Variants in PPRC1 observed in about 807,000 individuals in gnomAD.
The protein encoded by PPRC1 is PPARG related coactivator 1, also known as peroxisome proliferator-activated receptor gamma coactivator-related protein 1.
In PPRC1, 23 loss-of-function variants were observed where a neutral mutation model predicts 132.5. The ratio of observed to expected loss-of-function variants is 0.17; its 90% CI spans 0.12 to 0.25. The LOEUF (loss-of-function observed/expected upper bound fraction) is 0.25. Ranked by LOEUF, PPRC1 falls within the 10% of genes least tolerant of loss-of-function variation. The probability of loss-of-function intolerance (pLI) is 1.00; values close to 1 mark genes in which losing one functional copy is unlikely to be tolerated. For missense variants in PPRC1, 2,006 were observed against 2,089.1 expected (o/e 0.96, Z 0.78); for synonymous variants, 872 against 833.5 (o/e 1.05, Z -0.80).
intron 1 of PPRC1, among the ~76,000 whole-genome samples, chr10:102,136,491 C>G (rs2068727186): frequency 6.6e-6 from 1 of 152,152 alleles, no homozygotes; most frequent in South Asian, 2.1e-4. Context: ...TCCACAGTTT[C>G]TGTTAACCTG....
In PPRC1 at chr10:102,143,813, G is replaced by A. The variant is rs138593012; in HGVS notation, c.3551-437G>A. ...ATAGCTGGCTTTCTTAGTATAAGGC[G>A]TGGATGTAGGTGCTATGGAGGACAC... On this transcript the variant is annotated intron_variant, in intron 6 of 13. Coordinates refer to ENST00000278070, the MANE Select transcript of PPRC1 (RefSeq NM_015062.5). Among the ~76,000 whole-genome samples the A allele has an allele frequency of 6.8e-4, 104 of 152,316 alleles. 1 individual carries two copies. Among genetic ancestry groups the A allele is most frequent in the Middle Eastern group, 6.8e-3 (2 of 294 alleles).
intron 1 of PPRC1, among the ~76,000 whole-genome samples, chr10:102,134,948 G>A (rs4917960): frequency 2.8e-4 from 43 of 152,124 alleles, no homozygotes; most frequent in Non-Finnish European, 4.4e-4. Context: ...CCCTTCCCCC[G>A]AAAACCAAAG....
chr10:102,121,185 G>A, the PPRC1 span, among the ~76,000 whole-genome samples: 1 of 152,004 alleles, frequency 6.6e-6, no homozygotes, highest in Non-Finnish European at 1.5e-5. Context: ...GATTACGGAG[G>A]GGCGATAGGA....
rs748965580 is a variant in PPRC1 at position 102,141,203 on chromosome 10, C to A, written c.2695C>A (p.Pro899Thr). Residue 899 changes from proline (P) to threonine (T), a missense_variant, in exon 5 of 14, where the codon CCT becomes ACT. Physicochemically the swap from Pro to Thr is conservative, Grantham distance 38 (BLOSUM62 -1). Coordinates refer to ENST00000278070, the MANE Select transcript of PPRC1 (RefSeq NM_015062.5). Reference protein sequence around the residue: ...PPSLPPPPLQPPSLPLSMGPV... With the variant: ...PPSLPPPPLQTPSLPLSMGPV... Reference sequence around the variant, plus strand: ...CAGTCTGCCCCCACCTCCCTTGCAGCCTCCTAGTCTTCCATTGTCTATGGG... The same window carrying A: ...CAGTCTGCCCCCACCTCCCTTGCAGACTCCTAGTCTTCCATTGTCTATGGG... 1.2e-6 allele frequency: 2 copies of A among 1,614,046 alleles called. No individual in the cohort carries two copies. The highest frequency in any genetic ancestry group is 2.2e-5 in the South Asian group (2 of 91,082).
chr10:102,148,812 C>A lies in PPRC1; in HGVS notation c.4618-5C>A. On this transcript the variant is annotated splice_polypyrimidine_tract_variant and splice_region_variant and intron_variant, in intron 11 of 13. Transcript: ENST00000278070. This position sits in a 1 kb window ranked among gnomAD's most constrained non-coding sequence, Gnocchi z 4.2. ...GTGTTGATTTTTTTTCATTTCCAAA[C>A]ATAGGAAGAAAGAAGGGTGGTCTTC... The A allele has an allele frequency of 1.2e-6, 2 of 1,614,002 alleles. No homozygotes were observed. The highest frequency in any genetic ancestry group is 1.7e-6 in the Non-Finnish European group (2 of 1,179,998).
chr10:102,144,201 C>T (rs1391204403), intron 6 of PPRC1, 49 bp from the exon 7 acceptor site: 2 of 1,583,294 alleles, frequency 1.3e-6, no homozygotes, highest in Admixed American at 3.3e-5. Context: ...TGTGCCGCCT[C>T]AGTCTAGAAC....
intron 1 of PPRC1, among the ~76,000 whole-genome samples, chr10:102,134,013 T>G (rs1393730584): frequency 6.6e-6 from 1 of 151,830 alleles, no homozygotes; most frequent in Admixed American, 6.6e-5. Flanking sequence ...GGGCTGAGGC[T>G]GAAGGGTTGT....
At position 102,139,706 on chromosome 10, in the gene PPRC1, G is replaced by A. The variant is rs2068868977; in HGVS notation, c.1198G>A (p.Ala400Thr). The change falls in exon 5 of 14, where the codon GCT becomes ACT. Residue 400 changes from alanine (A) to threonine (T), a missense_variant. Coordinates refer to ENST00000278070, the MANE Select transcript of PPRC1 (RefSeq NM_015062.5). ...GCCTACACTGGAGTCAGAGACAGAG[G>A]CTGCTGTGCCCAAGGTAACCCTCTG... is the stretch of plus-strand genomic sequence containing the variant. ...LMPTLESETE[A>T]AVPKVTLCSE... 6.2e-7 allele frequency: 1 copy of A among 1,613,972 alleles called. No individual in the cohort carries two copies. The highest frequency in any genetic ancestry group is 1.3e-5 in the African/African-American group (1 of 74,942).
rs1367361410 is a variant in PPRC1, at chr10:102,138,163, C to T, written c.342+125C>T. 3.1e-6 allele frequency: 3 copies of T among 980,012 alleles called. No homozygotes were observed. In the East Asian group the frequency reaches 8.0e-5, roughly 26 times the overall value. The allele number at this position is 980,012 out of a possible 1,614,324, so 60.7% of individuals were successfully genotyped here. A position where few individuals can be genotyped will look rare whatever the true frequency, so the allele number is the denominator to read the frequency against. ...TTCTTCCTGGGTGCCCAACCTGAAT[C>T]CTTGAAGTGTATTTTTTGTCTCTAA... is the stretch of plus-strand genomic sequence containing the variant. On this transcript the variant is annotated intron_variant, in intron 2 of 13. Transcript: ENST00000278070.
chr10:102,133,548 C>T (rs1003523687), intron 1 of PPRC1, among the ~76,000 whole-genome samples: 7 of 152,148 alleles, frequency 4.6e-5, no homozygotes, highest in African/African-American at 1.4e-4. Context: ...GAGCCCGGCG[C>T]CGCAGTTCCC....
In PPRC1 at chr10:102,143,021, A is replaced by G. The variant is rs780608536; in HGVS notation, c.3497-24A>G. 8.1e-6 allele frequency: 13 copies of G among 1,605,466 alleles called. No homozygotes were observed. In the East Asian group the frequency reaches 2.9e-4, roughly 36 times the overall value. The stretch of plus-strand genomic sequence containing the variant: ...CTAAGTTGATAGGGGCTCGTTTTCA[A>G]TCCTGTGTTGTGTGCCTCCACAGGA... On this transcript the variant is annotated intron_variant, in intron 5 of 13. Transcript: ENST00000278070.
intron 1 of PPRC1, among the ~76,000 whole-genome samples, chr10:102,135,315 C>T (rs1279795902): frequency 2.6e-5 from 4 of 152,050 alleles, no homozygotes; most frequent in Admixed American, 1.3e-4. Context: ...GGAGAGGACA[C>T]GCTGGAGCAG....
intron 1 of PPRC1, among the ~76,000 whole-genome samples, 169 bp from the exon 2 acceptor site, chr10:102,137,681 G>A (rs1013513731): frequency 2.0e-5 from 3 of 152,104 alleles, no homozygotes; most frequent in African/African-American, 7.2e-5. Flanking sequence ...CCTTATTGGG[G>A]TTTTTGCTCA....
At chr10:102,128,270 T>G (rs1590302375), upstream of PPRC1, among the ~76,000 whole-genome samples, 1 of 151,546 alleles carries the variant, frequency 6.6e-6, no homozygotes, top group South Asian at 2.1e-4. Context: ...CTCCCGAGTA[T>G]CTGGGATTAC....
intron 6 of PPRC1, 46 bp downstream of exon 6, chr10:102,143,144 A>G: frequency 6.4e-7 from 1 of 1,569,494 alleles, no homozygotes. Context: ...TTTTGGTGAT[A>G]CTTTTTTGGG....
chr10:102,136,286 GCT>G (rs2068718211), intron 1 of PPRC1, among the ~76,000 whole-genome samples: 1 of 152,092 alleles, frequency 6.6e-6, no homozygotes, highest in Admixed American at 6.6e-5. Context: ...TTGGTACTCA[GCT>G]CTGTTAGGAG....
chr10:102,129,717 G>C (rs1465031466), upstream of PPRC1, among the ~76,000 whole-genome samples: 1 of 152,110 alleles, frequency 6.6e-6, no homozygotes, highest in African/African-American at 2.4e-5. Context: ...GATTCTCCCT[G>C]CCTCAGCCTC....
the PPRC1 span, among the ~76,000 whole-genome samples, chr10:102,126,151 C>T: frequency 2.7e-4 from 41 of 152,098 alleles, no homozygotes; most frequent in Non-Finnish European, 4.9e-4. Flanking sequence ...CATGAGCCAC[C>T]GCGCCCGGCT....
intron 1 of PPRC1, among the ~76,000 whole-genome samples, chr10:102,135,916 T>A (rs1051710610): frequency 1.3e-5 from 2 of 152,172 alleles, no homozygotes; most frequent in African/African-American, 4.8e-5. Flanking sequence ...ATCTTGGTAC[T>A]CTGGGAGCTG....
Sources: allele counts gnomAD v4.1 joint callset (sites outside exome capture counted in the v4.1 genomes callset), GRCh38; gene constraint gnomAD v4.1.1; non-coding constraint Gnocchi (gnomAD v3.1); transcripts MANE v1.5; gene names NCBI Gene and HGNC (gene_info 2026-07-23, HGNC 2026-07-21).